The following OPN5 variants were observed in gnomAD, a reference collection of about 807,000 sequenced individuals.
OPN5 encodes opsin 5.
Under a neutral mutation model 41.7 loss-of-function variants are expected in OPN5, and 18 were observed. The observed-to-expected ratio is 0.43, with a 90% confidence interval of 0.30 to 0.64. The LOEUF (loss-of-function observed/expected upper bound fraction) is 0.64, where lower values mean the gene tolerates loss of function less well. OPN5 is among the 30% of genes least tolerant of loss of function. OPN5 has a pLI of 0.13. For missense variants in OPN5, 318 were observed against 434.5 expected (o/e 0.73, Z 2.38); for synonymous variants, 178 against 164.3 (o/e 1.08, Z -0.64).
chr6:47,786,270 G>C (rs1017093846), intron 1 of OPN5, among the ~76,000 whole-genome samples: 1 of 152,166 alleles, frequency 6.6e-6, no homozygotes, highest in Non-Finnish European at 1.5e-5. Context: ...TGAGCCTCGC[G>C]GGGAAGTTAG....
chr6:47,808,781 A>G (rs926611257), intron 5 of OPN5, among the ~76,000 whole-genome samples: 1 of 152,128 alleles, frequency 6.6e-6, no homozygotes, highest in Non-Finnish European at 1.5e-5. Flanking sequence ...CTGGCACATC[A>G]CTACCACTAG....
chr6:47,814,400 G>A (rs1302358239), intron 6 of OPN5, among the ~76,000 whole-genome samples: 1 of 152,080 alleles, frequency 6.6e-6, no homozygotes, highest in Non-Finnish European at 1.5e-5. Context: ...CTTTATAAAT[G>A]CATGTATAAG....
intron 6 of OPN5, among the ~76,000 whole-genome samples, chr6:47,822,559 T>C (rs1420215655): frequency 6.6e-6 from 1 of 152,202 alleles, no homozygotes; most frequent in East Asian, 1.9e-4. Context: ...CCAGTTTAGT[T>C]CCATAGAAAC....
intron 4 of OPN5, among the ~76,000 whole-genome samples, chr6:47,804,447 G>T (rs1375649870): frequency 6.6e-6 from 1 of 152,162 alleles, no homozygotes; most frequent in Non-Finnish European, 1.5e-5. Flanking sequence ...GTCAAAAACA[G>T]ACTGATGAAA....
intron 3 of OPN5, among the ~76,000 whole-genome samples, chr6:47,792,249 A>G (rs1417489340): frequency 6.6e-6 from 1 of 152,214 alleles, no homozygotes; most frequent in Non-Finnish European, 1.5e-5. Context: ...GTAAGCTTCC[A>G]TCATGTTTCC....
intron 5 of OPN5, among the ~76,000 whole-genome samples, chr6:47,808,865 T>A (rs1268205130): frequency 6.6e-6 from 1 of 152,206 alleles, no homozygotes; most frequent in Non-Finnish European, 1.5e-5. Context: ...CTGTGCCAGA[T>A]TTCTTTTATT....
chr6:47,801,548 G>C (rs1258547553), intron 4 of OPN5, among the ~76,000 whole-genome samples: 1 of 152,068 alleles, frequency 6.6e-6, no homozygotes, highest in Non-Finnish European at 1.5e-5. Context: ...GAACTGTATT[G>C]CTTTAAAAAA....
At chr6:47,795,778 TCACACACACACACACACA>T (rs57933636) in intron 4 of OPN5, among the ~76,000 whole-genome samples, 5 of 142,804 alleles carry the variant, frequency 3.5e-5, no homozygotes. Flanking sequence ...TCTCTCTCTC[TCACACACACACACACACA>T]CACACACACA....
At chr6:47,819,292 A>G (rs1762523661) in intron 6 of OPN5, among the ~76,000 whole-genome samples, 1 of 137,100 alleles carries the variant, frequency 7.3e-6, no homozygotes, top group African/African-American at 2.6e-5. Flanking sequence ...CATCAATGCC[A>G]TGACTTGCTG....
At chr6:47,804,117 T>A (rs1366633942) in intron 4 of OPN5, among the ~76,000 whole-genome samples, 1 of 152,200 alleles carries the variant, frequency 6.6e-6, no homozygotes, top group Non-Finnish European at 1.5e-5. Flanking sequence ...GAACTGGCAC[T>A]GGAAACTGGC....
At chr6:47,794,951 T>C (rs953264642) in intron 3 of OPN5, 2 of 364,102 alleles carry the variant, frequency 5.5e-6, no homozygotes, top group East Asian at 8.5e-5. Context: ...CAGCATCCTC[T>C]CATCTCTTTC....
intron 4 of OPN5, among the ~76,000 whole-genome samples, chr6:47,806,192 A>C (rs1396120560): frequency 6.6e-6 from 1 of 152,092 alleles, no homozygotes; most frequent in Non-Finnish European, 1.5e-5. Flanking sequence ...CCCCCAAAAA[A>C]CAAATAGGTG....
intron 4 of OPN5, among the ~76,000 whole-genome samples, chr6:47,801,805 C>A (rs562057234): frequency 8.9e-4 from 86 of 97,148 alleles, no homozygotes; most frequent in African/African-American, 2.5e-3. Flanking sequence ...GAGCGGGTAA[C>A]AACCATGTTT....
chr6:47,808,942 G>A (rs997212864), intron 5 of OPN5, among the ~76,000 whole-genome samples: 2 of 152,292 alleles, frequency 1.3e-5, no homozygotes, highest in East Asian at 3.9e-4. Context: ...TTCAAGTAAG[G>A]TTAAAGTTAA....
chr6:47,808,533 G>C (rs939586054), intron 5 of OPN5, 138 bp downstream of exon 5: 2 of 927,942 alleles, frequency 2.2e-6, no homozygotes, highest in Non-Finnish European at 3.2e-6. Flanking sequence ...TTTATTTTCT[G>C]TTTATCAAAA....
At chr6:47,824,079 C>G in exon 7 of OPN5, 1 of 1,116,224 alleles carries the variant, frequency 9.0e-7, no homozygotes, top group Non-Finnish European at 1.3e-6. Flanking sequence ...TGTTATTTTT[C>G]TGACTTCTCG....
intron 4 of OPN5, among the ~76,000 whole-genome samples, chr6:47,804,011 C>G (rs1773869378): frequency 6.6e-6 from 1 of 152,234 alleles, no homozygotes; most frequent in Admixed American, 6.5e-5. Context: ...GGAGGATTTA[C>G]TTTCAACCAC....
chr6:47,813,034 C>A lies in OPN5; in HGVS notation c.1056+1303C>A, dbSNP rs144765728. On this transcript the variant is annotated intron_variant, in intron 6 of 6. Coordinates refer to ENST00000371211, the Ensembl canonical transcript of OPN5. ...GTGTGTCACTGGTTTAAGATAAATG[C>A]CAAATAGATGTTGGAAAACATGCTC... 5.6e-4 allele frequency among the ~76,000 whole-genome samples: 85 copies of A among 151,774 alleles called. 1 individual carries two copies. Among genetic ancestry groups the A allele is most frequent in the South Asian group, 4.0e-3 (19 of 4,782 alleles).
Position 47,786,624 on chromosome 6 carries a change from G to A in OPN5, c.240G>A (p.Leu80=), listed in dbSNP as rs1207352166. ...CTATCAATTTAGCAGTCTGTGATCT[G>A]GGGATTTCAGGTAACACAACCATGC... The change falls in exon 2 of 7, where the codon CTG becomes CTA. Residue 80 remains leucine (L), a synonymous_variant. Transcript: ENST00000371211. 2.5e-6 allele frequency: 4 copies of A among 1,613,156 alleles called. No homozygotes were observed. The Admixed American group carries it at 5.0e-5, about 20-fold the overall frequency.
Sources: gnomAD v4.1 joint callset for allele counts (sites outside exome capture counted in the v4.1 genomes callset) on GRCh38, gnomAD v4.1.1 for gene constraint, MANE v1.5 for transcripts, NCBI Gene and HGNC (gene_info 2026-07-23, HGNC 2026-07-21) for gene names.